Variants in VWA8 observed in about 807,000 individuals in gnomAD.
VWA8 encodes the protein von Willebrand factor A domain containing 8, also known as von Willebrand factor A domain-containing protein 8.
Under a neutral mutation model 241.5 loss-of-function variants are expected in VWA8, and 221 were observed. That is an observed-to-expected ratio of 0.91 (90% CI 0.82 to 1.02). The LOEUF is 1.02. Among genes scored for constraint, VWA8 ranks in the 50% least tolerant of loss-of-function variants. The probability of loss-of-function intolerance (pLI) is 0.00; values close to 1 mark genes in which losing one functional copy is unlikely to be tolerated. For missense variants in VWA8, 2,322 were observed against 2,328.7 expected (o/e 1.00, Z 0.06); for synonymous variants, 852 against 827.1 (o/e 1.03, Z -0.52).
rs76002500 is a variant in VWA8 at position 41,643,467 on chromosome 13, G to A, written c.4611+27479C>T. Among the ~76,000 whole-genome samples, 602 of 152,306 alleles carry A rather than the reference G, an allele frequency of 4.0e-3. 12 individuals are homozygous for A. The East Asian group carries it at 0.061, about 15-fold the overall frequency. ...AGATCCTCAATAAATAGTTGTCAAAGGAATCAATAATGAATGAGAACTGAA... is the reference window on the plus strand; with the variant it reads ...AGATCCTCAATAAATAGTTGTCAAAAGAATCAATAATGAATGAGAACTGAA... On this transcript the variant is annotated intron_variant, in intron 37 of 44. Transcript: ENST00000379310.
rs142774673 is a variant in VWA8, at chr13:41,596,788, T to TACACACAC, written c.4987-6031_4987-6024dup. On this transcript the variant is annotated intron_variant, in intron 40 of 44. Coordinates refer to ENST00000379310, the MANE Select transcript of VWA8 (RefSeq NM_015058.2). ...AGGAAATACTTGCTTAACCAGAAAG[T>TACACACAC]ACACACACACACACACACACACACA... Among the ~76,000 whole-genome samples, 1,046 of 136,986 alleles carry TACACACAC rather than the reference T, an allele frequency of 7.6e-3. 8 individuals carry two copies. The highest frequency in any genetic ancestry group is 0.01 in the Non-Finnish European group (631 of 63,036). The allele number at this position is 136,986 out of a possible 152,430, so 89.9% of individuals were successfully genotyped here.
At position 41,721,465 on chromosome 13, in the gene VWA8, C is replaced by T. The variant is rs1410315224; in HGVS notation, c.2869G>A (p.Ala957Thr). 6.2e-7 allele frequency: 1 copy of T among 1,613,904 alleles called. No homozygotes were observed. The highest frequency in any genetic ancestry group is 1.1e-5 in the South Asian group (1 of 91,076). The change falls in exon 25 of 45, where the codon GCT becomes ACT. Residue 957 changes from alanine to threonine, a missense_variant. Transcript: ENST00000379310. ...VPEPILQKLV[A>T]AFGELRSLAD... ...AAACTCCTCAGCTCTCCAAAGGCAG[C>T]CACAAGCTTCTGAAGGATGGGCTCA...
At chr13:41,606,030 C>T (rs946021165) in intron 39 of VWA8, among the ~76,000 whole-genome samples, 7 of 152,110 alleles carry the variant, frequency 4.6e-5, no homozygotes, top group African/African-American at 1.4e-4. Context: ...TGTCCCTCCC[C>T]TGACTTTGCC....
chr13:41,644,965 G>A (rs1396550797), intron 37 of VWA8, among the ~76,000 whole-genome samples: 6 of 152,144 alleles, frequency 3.9e-5, no homozygotes, highest in Non-Finnish European at 7.3e-5. Context: ...TGTTGACTAT[G>A]TTAAGTGAGG....
intron 4 of VWA8, among the ~76,000 whole-genome samples, chr13:41,894,460 C>T (rs1404155083): frequency 3.3e-5 from 5 of 152,186 alleles, no homozygotes; most frequent in African/African-American, 9.7e-5. Context: ...CTTTTCTCCA[C>T]AGTCAAATGC....
At chr13:41,740,650 T>C (rs370214798) in intron 21 of VWA8, among the ~76,000 whole-genome samples, 472 of 152,330 alleles carry the variant, frequency 3.1e-3, no homozygotes, top group African/African-American at 9.8e-3. Flanking sequence ...GAAGGAGGTA[T>C]GTGCAGCATT....
rs114858769 is a variant in VWA8, at chr13:41,582,525, A to T, written c.5271+4987T>A. ...AACTGGGGCTGGGGAGTCTCAGATCACACTGTTGAATTCCTAATGACCCCA... is the reference window on the plus strand; with the variant it reads ...AACTGGGGCTGGGGAGTCTCAGATCTCACTGTTGAATTCCTAATGACCCCA... On this transcript the variant is annotated intron_variant, in intron 42 of 44. Coordinates refer to ENST00000379310, the MANE Select transcript of VWA8 (RefSeq NM_015058.2). Among the ~76,000 whole-genome samples the T allele has an allele frequency of 3.1e-3, 473 of 152,330 alleles. 2 individuals are homozygous for T. The highest frequency in any genetic ancestry group is 0.011 in the African/African-American group (444 of 41,574).
At chr13:41,786,527 C>T (rs1476239154) in intron 18 of VWA8, among the ~76,000 whole-genome samples, 1 of 152,140 alleles carries the variant, frequency 6.6e-6, no homozygotes, top group Non-Finnish European at 1.5e-5. Context: ...ACCAAACAAT[C>T]GGCAGTCTGA....
At chr13:41,775,513 G>A (rs147699683) in intron 20 of VWA8, among the ~76,000 whole-genome samples, 5 of 152,236 alleles carry the variant, frequency 3.3e-5, no homozygotes, top group African/African-American at 4.8e-5. Flanking sequence ...CTTGCTCTTC[G>A]TGGGGATCTT....
At position 41,652,205 on chromosome 13, in the gene VWA8, T is replaced by C. The variant is rs149485560; in HGVS notation, c.4611+18741A>G. Reference sequence around the variant, plus strand: ...ACCTATAAGCATTTAGTCTAAATTCTACTAAGCAGAGACATCTGTTTTCTT... The same window carrying C: ...ACCTATAAGCATTTAGTCTAAATTCCACTAAGCAGAGACATCTGTTTTCTT... On this transcript the variant is annotated intron_variant, in intron 37 of 44. Coordinates refer to ENST00000379310, the MANE Select transcript of VWA8 (RefSeq NM_015058.2). Among the ~76,000 whole-genome samples the C allele has an allele frequency of 5.9e-5, 9 of 152,312 alleles. No homozygotes were observed. In the East Asian group the frequency reaches 1.3e-3, roughly 23 times the overall value.
At chr13:41,587,695 C>A in intron 41 of VWA8, 25 bp from the exon 42 acceptor site, 1 of 1,611,708 alleles carries the variant, frequency 6.2e-7, no homozygotes, top group Non-Finnish European at 8.5e-7. Flanking sequence ...AACAGAAAAG[C>A]CGTTTGTGAA....
chr13:41,792,521 A>C (rs1027389735), intron 17 of VWA8, among the ~76,000 whole-genome samples: 28 of 152,000 alleles, frequency 1.8e-4, no homozygotes, highest in Admixed American at 2.6e-4. Context: ...ATACAGATTT[A>C]GAATTAATAT....
intron 2 of VWA8, among the ~76,000 whole-genome samples, chr13:41,929,002 C>T (rs942361526): frequency 1.3e-5 from 2 of 151,980 alleles, no homozygotes; most frequent in Non-Finnish European, 1.5e-5. Context: ...ATACAGATTC[C>T]ATGCAATACC....
intron 25 of VWA8, 139 bp downstream of exon 25, chr13:41,721,231 A>T: frequency 2.2e-6 from 2 of 914,398 alleles, no homozygotes; most frequent in Non-Finnish European, 3.3e-6. Context: ...TTTATAACTT[A>T]GATTATACAC....
At chr13:41,919,349 C>T (rs1455968582) in intron 2 of VWA8, among the ~76,000 whole-genome samples, 1 of 152,150 alleles carries the variant, frequency 6.6e-6, no homozygotes, top group East Asian at 1.9e-4. Context: ...TCCTGCAGTC[C>T]TCACAGGCTC....
At chr13:41,864,141 T>TAAAAAAAAAAAAAA (rs1173896404) in intron 12 of VWA8, among the ~76,000 whole-genome samples, 1 of 114,308 alleles carries the variant, frequency 8.7e-6, no homozygotes. Flanking sequence ...ATGATGATTA[T>TAAAAAAAAAAAAAA]AAAAAAAAAA....
intron 20 of VWA8, among the ~76,000 whole-genome samples, chr13:41,771,840 C>G (rs1417530946): frequency 6.6e-6 from 1 of 150,498 alleles, no homozygotes; most frequent in Non-Finnish European, 1.5e-5. Flanking sequence ...CCTTGGCCTC[C>G]CAAAATGCTG....
chr13:41,889,185 A>G (rs1874695489), intron 5 of VWA8, among the ~76,000 whole-genome samples: 1 of 152,178 alleles, frequency 6.6e-6, no homozygotes, highest in African/African-American at 2.4e-5. Context: ...TTTTACCATA[A>G]AAGTTGTCTT....
rs2045390176 is a variant in VWA8 at position 41,721,466 on chromosome 13, C to T, written c.2868G>A (p.Val956=). Residue 956 remains valine (V), a synonymous_variant, in exon 25 of 45, where the codon GTG becomes GTA. Transcript: ENST00000379310. ...NVPEPILQKL[V]AAFGELRSLA... ...AACTCCTCAGCTCTCCAAAGGCAGCCACAAGCTTCTGAAGGATGGGCTCAG... is the reference window on the plus strand; with the variant it reads ...AACTCCTCAGCTCTCCAAAGGCAGCTACAAGCTTCTGAAGGATGGGCTCAG... The T allele has an allele frequency of 6.2e-7, 1 of 1,613,886 alleles. No homozygotes were observed. Among genetic ancestry groups the T allele is most frequent in the Non-Finnish European group, 8.5e-7 (1 of 1,179,860 alleles).
Sources: allele counts gnomAD v4.1 joint callset (sites outside exome capture counted in the v4.1 genomes callset), GRCh38; gene constraint gnomAD v4.1.1; transcripts MANE v1.5; gene names NCBI Gene and HGNC (gene_info 2026-07-23, HGNC 2026-07-21).